The following REXO5 variants were observed in gnomAD, a reference collection of about 807,000 sequenced individuals.
REXO5 encodes RNA exonuclease 5, also known as exonuclease NEF-sp.
A neutral mutation model predicts 88.5 loss-of-function variants in REXO5; 48 were observed. That is an observed-to-expected ratio of 0.54 (90% CI 0.43 to 0.69). The LOEUF (loss-of-function observed/expected upper bound fraction) is 0.69. Among genes scored for constraint, REXO5 ranks in the 30% least tolerant of loss-of-function variants. The probability of loss-of-function intolerance (pLI) is 0.00; values close to 1 mark genes in which losing one functional copy is unlikely to be tolerated. For missense variants in REXO5, 749 were observed against 912.2 expected (o/e 0.82, Z 2.30); for synonymous variants, 311 against 336.5 (o/e 0.92, Z 0.83).
rs556521557 is a variant in REXO5, at chr16:20,820,127, C to T, written c.476-1635C>T. Among the ~76,000 whole-genome samples, 3 of 152,242 alleles carry T rather than the reference C, an allele frequency of 2.0e-5. No homozygotes were observed. In the South Asian group the frequency reaches 6.2e-4, roughly 32 times the overall value. ...GCTTTAATTACATCACTTCCGTTCTCAGGAGCTTTTTGTGGCTCCCCATTA... is the reference window on the plus strand; with the variant it reads ...GCTTTAATTACATCACTTCCGTTCTTAGGAGCTTTTTGTGGCTCCCCATTA... On this transcript the variant is annotated intron_variant, in intron 5 of 19. Transcript: ENST00000261377.
intron 1 of REXO5, 96 bp downstream of exon 1, chr16:20,806,801 G>A: frequency 1.6e-6 from 2 of 1,280,950 alleles, no homozygotes; most frequent in Non-Finnish European, 1.1e-6. Flanking sequence ...CTTTTTTAGG[G>A]GAACGGGGAT....
intron 5 of REXO5, among the ~76,000 whole-genome samples, chr16:20,819,330 T>C (rs1439303178): frequency 6.6e-6 from 1 of 152,180 alleles, no homozygotes; most frequent in Non-Finnish European, 1.5e-5. Context: ...GCCAGAATTA[T>C]TGTAAAGCCC....
Position 20,825,872 on chromosome 16 carries a change from C to T in REXO5, c.745C>T (p.Leu249=), listed in dbSNP as rs1263930041. 1.2e-6 allele frequency: 2 copies of T among 1,613,972 alleles called. No individual in the cohort carries two copies. The highest frequency in any genetic ancestry group is 1.7e-6 in the Non-Finnish European group (2 of 1,179,980). ...GGGGAGAGAGCTAACACGCATCTCA[C>T]TGGTTGCTGAAGGAGGCTGCTGTGT... ...SKGRELTRIS[L]VAEGGCCVMD... The change falls in exon 8 of 20, where the codon CTG becomes TTG. Residue 249 remains leucine (L), a synonymous_variant. Coordinates refer to ENST00000261377, the MANE Select transcript of REXO5 (RefSeq NM_030941.3).
At chr16:20,840,162 G>A in intron 14 of REXO5, 169 bp from the exon 15 acceptor site, 1 of 557,544 alleles carries the variant, frequency 1.8e-6, no homozygotes, top group Non-Finnish European at 3.0e-6. Context: ...TAACATTTGT[G>A]CTTTATACAT....
At chr16:20,829,750 C>G (rs576029240) in intron 11 of REXO5, among the ~76,000 whole-genome samples, 1 of 152,042 alleles carries the variant, frequency 6.6e-6, no homozygotes, top group African/African-American at 2.4e-5. Flanking sequence ...ATGAGCCTTT[C>G]GAGGTTACCA....
chr16:20,829,464 T>C (rs1192887955), intron 11 of REXO5, among the ~76,000 whole-genome samples: 1 of 152,234 alleles, frequency 6.6e-6, no homozygotes, highest in African/African-American at 2.4e-5. Flanking sequence ...TAATGCATTC[T>C]AACCTATTAG....
intron 11 of REXO5, among the ~76,000 whole-genome samples, chr16:20,829,123 C>T (rs567677382): frequency 7.2e-5 from 11 of 152,230 alleles, no homozygotes; most frequent in African/African-American, 2.4e-4. Flanking sequence ...TCTACTATGT[C>T]TAGCTGTATA....
Position 20,806,567 on chromosome 16 carries a change from C to G in REXO5, c.-141C>G. On this transcript the variant is annotated 5_prime_UTR_variant, in exon 1 of 20. Coordinates refer to ENST00000261377, the MANE Select transcript of REXO5 (RefSeq NM_030941.3). The stretch of plus-strand genomic sequence containing the variant: ...GGCTAAGGAGGGGAGAACCTCTGCT[C>G]CCCGCCCGTCTTCTCTTCTGCGTTT... The G allele has an allele frequency of 6.8e-7, 1 of 1,477,184 alleles. No individual in the cohort carries two copies. The highest frequency in any genetic ancestry group is 9.0e-7 in the Non-Finnish European group (1 of 1,113,692). The allele number at this position is 1,477,184 out of a possible 1,614,324, so 91.5% of individuals were successfully genotyped here.
At chr16:20,819,832 A>T (rs1305288447) in intron 5 of REXO5, among the ~76,000 whole-genome samples, 2 of 151,824 alleles carry the variant, frequency 1.3e-5, no homozygotes, top group Non-Finnish European at 2.9e-5. Flanking sequence ...ATCTAAGCTC[A>T]CTGCAGTCTC....
At chr16:20,843,002 CTTG>C (rs955555280) in intron 15 of REXO5, among the ~76,000 whole-genome samples, 11 of 152,282 alleles carry the variant, frequency 7.2e-5, no homozygotes, top group African/African-American at 2.6e-4. Context: ...TTCACTGACA[CTTG>C]TTTTCTATTT....
At chr16:20,813,145 T>C in intron 2 of REXO5, 45 bp from the exon 3 acceptor site, 4 of 1,281,864 alleles carry the variant, frequency 3.1e-6, no homozygotes, top group Non-Finnish European at 4.6e-6. Context: ...GTTGGTATTC[T>C]TGATAACCAA....
chr16:20,809,462 T>C (rs1036542430), intron 2 of REXO5, among the ~76,000 whole-genome samples: 16 of 152,374 alleles, frequency 1.1e-4, no homozygotes, highest in Non-Finnish European at 2.1e-4. Context: ...AGTTCCTTAG[T>C]CTTCCCTTGA....
At chr16:20,839,086 T>C (rs1321738171) in intron 13 of REXO5, among the ~76,000 whole-genome samples, 1 of 152,220 alleles carries the variant, frequency 6.6e-6, no homozygotes, top group Non-Finnish European at 1.5e-5. Flanking sequence ...TTCCTAGTTC[T>C]CCATTTCCAG....
At chr16:20,813,344 C>CTTTTTTTTTTTTTTTTTTTTTTTT (rs56875427) in intron 3 of REXO5, 42 bp downstream of exon 3, 2 of 511,288 alleles carry the variant, frequency 3.9e-6, no homozygotes, top group African/African-American at 2.3e-5. Context: ...CCAGCGGTTT[C>CTTTTTTTTTTTTTTTTTTTTTTTT]TTTTTTTTTT....
chr16:20,808,315 G>T (rs954993006), intron 2 of REXO5, among the ~76,000 whole-genome samples: 1 of 152,118 alleles, frequency 6.6e-6, no homozygotes. Context: ...CCCTTCAGTC[G>T]TTCATTGGGC....
At chr16:20,830,353 A>ATT (rs796154415) in intron 11 of REXO5, among the ~76,000 whole-genome samples, 1 of 142,012 alleles carries the variant, frequency 7.0e-6, no homozygotes, top group Admixed American at 7.0e-5. Context: ...CACCTTGCTA[A>ATT]TTTTTTTTTT....
chr16:20,820,539 TATATA>T (rs1403963766), intron 5 of REXO5, among the ~76,000 whole-genome samples: 41 of 10,636 alleles, frequency 3.9e-3, no homozygotes, highest in South Asian at 6.7e-3. Context: ...TATATATATA[TATATA>T]TTTTTTTTTT....
chr16:20,827,963 A>G (rs142774480), intron 10 of REXO5, among the ~76,000 whole-genome samples: 1 of 152,206 alleles, frequency 6.6e-6, no homozygotes, highest in African/African-American at 2.4e-5. Context: ...AGATCTATAT[A>G]TGCCTCAATA....
intron 16 of REXO5, 104 bp from the exon 17 acceptor site, chr16:20,844,525 A>T (rs2081577438): frequency 2.1e-6 from 2 of 963,760 alleles, no homozygotes; most frequent in Non-Finnish European, 3.1e-6. Flanking sequence ...AATTTTAGGA[A>T]ACTGAAAAAT....
Sources: gnomAD v4.1 joint callset for allele counts (sites outside exome capture counted in the v4.1 genomes callset) on GRCh38, gnomAD v4.1.1 for gene constraint, MANE v1.5 for transcripts, NCBI Gene and HGNC (gene_info 2026-07-23, HGNC 2026-07-21) for gene names.